Variants in RACGAP1 observed in about 807,000 individuals in gnomAD.
RACGAP1 encodes Rac GTPase activating protein 1.
In RACGAP1, 30 loss-of-function variants were observed where a neutral mutation model predicts 78.1. That is an observed-to-expected ratio of 0.38 (90% CI 0.29 to 0.52). The LOEUF (loss-of-function observed/expected upper bound fraction) is 0.52. Ranked by LOEUF, RACGAP1 falls within the 20% of genes least tolerant of loss-of-function variation. RACGAP1 has a pLI of 0.82. For missense variants in RACGAP1, 587 were observed against 777.1 expected, an observed-to-expected ratio of 0.76 and a Z score of 2.91; for synonymous variants, 231 against 264.8, an observed-to-expected ratio of 0.87 and a Z score of 1.24.
intron 1 of RACGAP1, among the ~76,000 whole-genome samples, chr12:50,022,101 C>G (rs1950040286): frequency 6.6e-6 from 1 of 152,130 alleles, no homozygotes; most frequent in Non-Finnish European, 1.5e-5. Context: ...TACTGAATAC[C>G]TCTTTTTTTC....
rs1461572261 is a variant in RACGAP1, at chr12:49,997,091, A to G, written c.993T>C (p.Cys331=). Residue 331 remains cysteine, a synonymous_variant, in exon 10 of 17, where the codon TGT becomes TGC. Transcript: ENST00000312377. ...TCAGGGTAGGAATGCAGGGAAGGGGACAGCGGTCCCGACATTCTGGATGAG... is the reference window on the plus strand; with the variant it reads ...TCAGGGTAGGAATGCAGGGAAGGGGGCAGCGGTCCCGACATTCTGGATGAG... The part of the protein sequence containing the change: ...VVSHPECRDR[C]PLPCIPTLIG... The G allele has an allele frequency of 8.1e-6, 13 of 1,605,810 alleles. No individual in the cohort carries two copies. The highest frequency in any genetic ancestry group is 1.0e-5 in the Non-Finnish European group (12 of 1,173,700).
In RACGAP1 at chr12:49,990,278, A is replaced by T. The variant is rs761267669; in HGVS notation, c.1889T>A (p.Met630Lys). The change falls in exon 17 of 17, where the codon ATG becomes AAG. Residue 630 changes from methionine to lysine, a missense_variant. Physicochemically the swap from Met to Lys is moderately conservative, Grantham distance 95. Coordinates refer to ENST00000312377, the MANE Select transcript of RACGAP1 (RefSeq NM_001319999.2). ...GRQGNFFASP[M>K]LK ...CAGGCAGATGTGACTTCACTTGAGCATTGGAGAAGCAAAAAAGTTGCCTTG... is the reference window on the plus strand; with the variant it reads ...CAGGCAGATGTGACTTCACTTGAGCTTTGGAGAAGCAAAAAAGTTGCCTTG... The T allele has an allele frequency of 6.2e-7, 1 of 1,613,390 alleles. No individual in the cohort carries two copies. Among genetic ancestry groups the T allele is most frequent in the Non-Finnish European group, 8.5e-7 (1 of 1,179,306 alleles).
Position 50,016,631 on chromosome 12 carries a change from G to T in RACGAP1, c.85C>A (p.Gln29Lys), listed in dbSNP as rs1458234415. The stretch of plus-strand genomic sequence containing the variant: ...GACAGGCCAGCTCAGAATGACTTAC[G>T]GACTTCATTTCCTTCACTGAGAATC... Reference protein sequence around the residue: ...VEILSEGNEVQFIQLAKDFED... With the variant: ...VEILSEGNEVKFIQLAKDFED... Residue 29 changes from glutamine (Q) to lysine (K), a missense_variant and splice_region_variant, in exon 2 of 17, where the codon CAA becomes AAA. By Grantham distance (53) the Gln-to-Lys change is moderately conservative. Coordinates refer to ENST00000312377, the MANE Select transcript of RACGAP1 (RefSeq NM_001319999.2). The T allele has an allele frequency of 1.2e-6, 2 of 1,613,092 alleles. No homozygotes were observed. Among genetic ancestry groups the T allele is most frequent in the Non-Finnish European group, 8.5e-7 (1 of 1,179,404 alleles).
intron 2 of RACGAP1, among the ~76,000 whole-genome samples, chr12:50,011,953 C>CAAAA (rs771572498): frequency 8.7e-5 from 3 of 34,500 alleles, no homozygotes; most frequent in African/African-American, 1.9e-4. Flanking sequence ...GACTCCGTCT[C>CAAAA]AAAAAAAAAA....
At chr12:50,005,746 C>G (rs1948936449) in intron 3 of RACGAP1, among the ~76,000 whole-genome samples, 1 of 152,194 alleles carries the variant, frequency 6.6e-6, no homozygotes, top group Non-Finnish European at 1.5e-5. Context: ...TTCTACGGAT[C>G]AAAGCAGCCA....
intron 2 of RACGAP1, among the ~76,000 whole-genome samples, chr12:50,010,001 C>T (rs1037100292): frequency 5.3e-5 from 8 of 152,264 alleles, no homozygotes; most frequent in Middle Eastern, 3.4e-3. Context: ...ACTAAAATAC[C>T]ATAATCTTCT....
At chr12:50,000,851 C>T (rs1185718165) in intron 7 of RACGAP1, among the ~76,000 whole-genome samples, 2 of 151,972 alleles carry the variant, frequency 1.3e-5, no homozygotes, top group Non-Finnish European at 2.9e-5. Flanking sequence ...AGTTCGAGAC[C>T]AGCCTGACCA....
chr12:49,999,504 A>G (rs1243632136), intron 8 of RACGAP1, 112 bp downstream of exon 8: 1 of 1,046,374 alleles, frequency 9.6e-7, no homozygotes, highest in South Asian at 1.5e-5. Flanking sequence ...TGCAGCAGTA[A>G]GAAACTACCC....
chr12:50,023,560 C>T (rs999426575), intron 1 of RACGAP1, among the ~76,000 whole-genome samples: 1 of 151,844 alleles, frequency 6.6e-6, no homozygotes, highest in Non-Finnish European at 1.5e-5. Flanking sequence ...ATGGTGAAAC[C>T]GTATCTCTAT....
chr12:50,023,393 AAG>A (rs1052365405), intron 1 of RACGAP1, among the ~76,000 whole-genome samples: 60 of 152,348 alleles, frequency 3.9e-4, no homozygotes, highest in African/African-American at 1.4e-3. Context: ...AAGACCAAAT[AAG>A]ACTGTCTTCT....
At chr12:49,991,479 A>T (rs445250) in intron 15 of RACGAP1, among the ~76,000 whole-genome samples, 812 of 24,120 alleles carry the variant, frequency 0.034, 54 homozygotes, top group African/African-American at 0.059. Flanking sequence ...ATATATATAT[A>T]TTTTTTTTTT....
At chr12:50,022,642 T>G (rs1190928840) in intron 1 of RACGAP1, among the ~76,000 whole-genome samples, 2 of 152,076 alleles carry the variant, frequency 1.3e-5, no homozygotes, top group East Asian at 1.9e-4. Context: ...AATCTCACTA[T>G]CCTAAACAAC....
At chr12:49,990,605 C>A (rs1947771627) in intron 16 of RACGAP1, 79 bp downstream of exon 16, 3 of 1,206,220 alleles carry the variant, frequency 2.5e-6, no homozygotes, top group Non-Finnish European at 3.6e-6. Flanking sequence ...TGCAATTTTT[C>A]TTTCAATAAG....
chr12:50,023,631 G>T (rs928157914), intron 1 of RACGAP1, among the ~76,000 whole-genome samples: 1 of 152,124 alleles, frequency 6.6e-6, no homozygotes, highest in Non-Finnish European at 1.5e-5. Flanking sequence ...TACTCCGGAG[G>T]CTGAGGCAGA....
At chr12:50,029,386 A>AAAAC (rs139765536), upstream of RACGAP1, among the ~76,000 whole-genome samples, 1,450 of 150,876 alleles carry the variant, frequency 9.6e-3, 65 homozygotes, top group Admixed American at 0.073. Flanking sequence ...CTCCATCTCA[A>AAAAC]AAACAAACAA....
intron 7 of RACGAP1, among the ~76,000 whole-genome samples, chr12:50,000,603 C>T (rs1948614668): frequency 6.6e-6 from 1 of 152,044 alleles, no homozygotes; most frequent in African/African-American, 2.4e-5. Context: ...TCCCCCTCTA[C>T]TTTAAAAAGT....
Position 49,991,988 on chromosome 12 carries a change from T to TG in RACGAP1, c.1714+9dup, listed in dbSNP as rs1947914795. 6.2e-7 allele frequency: 1 copy of TG among 1,613,446 alleles called. No individual in the cohort carries two copies. The highest frequency in any genetic ancestry group is 1.1e-5 in the South Asian group (1 of 90,996). On this transcript the variant is annotated intron_variant, in intron 15 of 16. Transcript: ENST00000312377. ...GTCAAGTCCCTGAAGAAGCACATCT[T>TG]GGGCCTTACCTTTAATATCTGGTGT...
Position 49,994,401 on chromosome 12 carries a change from A to C in RACGAP1, c.1140+13T>G, listed in dbSNP as rs1313228078. On this transcript the variant is annotated intron_variant, in intron 11 of 16. Coordinates refer to ENST00000312377, the MANE Select transcript of RACGAP1 (RefSeq NM_001319999.2). Reference sequence around the variant, plus strand: ...AAATAACAAATTCACCATCTCCTACAGTTGACTCTTACCTCAGTCAGACCT... The same window carrying C: ...AAATAACAAATTCACCATCTCCTACCGTTGACTCTTACCTCAGTCAGACCT... 1.2e-6 allele frequency: 2 copies of C among 1,613,510 alleles called. No individual in the cohort carries two copies. The highest frequency in any genetic ancestry group is 1.7e-6 in the Non-Finnish European group (2 of 1,179,876).
intron 2 of RACGAP1, among the ~76,000 whole-genome samples, chr12:50,012,427 G>A (rs548097197): frequency 6.6e-6 from 1 of 152,132 alleles, no homozygotes; most frequent in Non-Finnish European, 1.5e-5. Flanking sequence ...CAGGCGTGGT[G>A]GCACATGCCT....
Sources: gnomAD v4.1 joint callset for allele counts (sites outside exome capture counted in the v4.1 genomes callset) on GRCh38, gnomAD v4.1.1 for gene constraint, MANE v1.5 for transcripts, NCBI Gene and HGNC (gene_info 2026-07-23, HGNC 2026-07-21) for gene names.